Variants in ARB2A observed in about 807,000 individuals in gnomAD.
ARB2A encodes the protein cotranscriptional regulator ARB2A.
the ARB2A span, among the ~76,000 whole-genome samples, chr5:94,009,294 T>TA: frequency 2.5e-4 from 38 of 152,066 alleles, 1 homozygote; most frequent in African/African-American, 8.9e-4. Context: ...TCATTCATTG[T>TA]AAAAAGAACA....
the ARB2A span, among the ~76,000 whole-genome samples, chr5:93,961,775 T>A: frequency 1.8e-4 from 27 of 152,224 alleles, no homozygotes; most frequent in African/African-American, 4.8e-4. Flanking sequence ...TAGCCATGAA[T>A]AAATTAAAGT....
At chr5:93,999,497 T>C in the ARB2A span, among the ~76,000 whole-genome samples, 1 of 151,720 alleles carries the variant, frequency 6.6e-6, no homozygotes, top group African/African-American at 2.4e-5. Context: ...GCCCAGAAAA[T>C]GTTTCTTTTT....
chr5:93,982,800 A>T, the ARB2A span, among the ~76,000 whole-genome samples: 1 of 152,218 alleles, frequency 6.6e-6, no homozygotes, highest in East Asian at 1.9e-4. Context: ...CATGCCGGTA[A>T]TCCCAGCACT....
At chr5:93,721,226 G>T in the ARB2A span, among the ~76,000 whole-genome samples, 2 of 152,224 alleles carry the variant, frequency 1.3e-5, no homozygotes, top group East Asian at 3.9e-4. Context: ...CTGTCAGGGT[G>T]AAGCGGCTGG....
the ARB2A span, among the ~76,000 whole-genome samples, chr5:93,787,211 T>C: frequency 2.6e-5 from 4 of 152,182 alleles, no homozygotes; most frequent in East Asian, 3.9e-4. Context: ...TCTCCATATA[T>C]TCTTGAATTA....
chr5:94,092,452 T>C, the ARB2A span, among the ~76,000 whole-genome samples: 4 of 152,234 alleles, frequency 2.6e-5, no homozygotes, highest in African/African-American at 7.2e-5. Context: ...ATATCATGAC[T>C]ATCTAGGACT....
At chr5:93,836,358 A>G in the ARB2A span, among the ~76,000 whole-genome samples, 50 of 152,362 alleles carry the variant, frequency 3.3e-4, no homozygotes, top group African/African-American at 1.2e-3. Flanking sequence ...GCAATTGGCC[A>G]GTGGAGTATC....
the ARB2A span, among the ~76,000 whole-genome samples, chr5:94,067,575 T>C: frequency 6.6e-6 from 1 of 152,032 alleles, no homozygotes; most frequent in Admixed American, 6.6e-5. Context: ...GGCAAACTCA[T>C]TTACAACAGC....
chr5:93,948,200 C>T, the ARB2A span, among the ~76,000 whole-genome samples: 1 of 152,132 alleles, frequency 6.6e-6, no homozygotes, highest in Non-Finnish European at 1.5e-5. Flanking sequence ...TTAATGATTG[C>T]CATTCTAACT....
the ARB2A span, among the ~76,000 whole-genome samples, chr5:93,891,377 A>G: frequency 6.6e-6 from 1 of 152,094 alleles, no homozygotes; most frequent in Non-Finnish European, 1.5e-5. Context: ...ATATTATTTC[A>G]ATTATGTGCA....
chr5:94,089,592 T>TACACACAC, the ARB2A span, among the ~76,000 whole-genome samples: 1 of 79,752 alleles, frequency 1.3e-5, no homozygotes, highest in Non-Finnish European at 2.6e-5. Flanking sequence ...TAAAACCGTT[T>TACACACAC]ATACACACAC....
At chr5:94,037,108 G>A in the ARB2A span, among the ~76,000 whole-genome samples, 150 of 152,040 alleles carry the variant, frequency 9.9e-4, no homozygotes, top group African/African-American at 3.4e-3. Context: ...GTATTTCTGC[G>A]CTTTGCATTC....
chr5:93,693,187 A>G, the ARB2A span, among the ~76,000 whole-genome samples: 1 of 152,192 alleles, frequency 6.6e-6, no homozygotes, highest in Non-Finnish European at 1.5e-5. Flanking sequence ...CCAGAAGACA[A>G]GAAATAACTA....
chr5:93,853,270 G>C, the ARB2A span, among the ~76,000 whole-genome samples: 2 of 152,106 alleles, frequency 1.3e-5, no homozygotes, highest in African/African-American at 2.4e-5. Flanking sequence ...TCTGTTATTG[G>C]TGTATAAGAA....
the ARB2A span, among the ~76,000 whole-genome samples, chr5:93,800,984 C>G: frequency 6.6e-6 from 1 of 152,104 alleles, no homozygotes; most frequent in Non-Finnish European, 1.5e-5. Flanking sequence ...AATAGGATCA[C>G]TGACAGTAAT....
At chr5:93,957,440 G>C in the ARB2A span, among the ~76,000 whole-genome samples, 2 of 152,066 alleles carry the variant, frequency 1.3e-5, no homozygotes, top group African/African-American at 4.8e-5. Flanking sequence ...ACAAACAAAT[G>C]TGTCAGAGAG....
the ARB2A span, among the ~76,000 whole-genome samples, chr5:93,727,986 T>G: frequency 6.6e-6 from 1 of 152,062 alleles, no homozygotes; most frequent in Non-Finnish European, 1.5e-5. Flanking sequence ...GACTCTCATT[T>G]TAGAAAGTTT....
the ARB2A span, among the ~76,000 whole-genome samples, chr5:93,937,858 T>G: frequency 2.0e-5 from 3 of 152,158 alleles, no homozygotes; most frequent in Non-Finnish European, 4.4e-5. Context: ...CCCAAAACAA[T>G]GTAAACAGTT....
At chr5:94,103,983 A>C in the ARB2A span, among the ~76,000 whole-genome samples, 1 of 151,926 alleles carries the variant, frequency 6.6e-6, no homozygotes, top group South Asian at 2.1e-4. Flanking sequence ...ATGACATACC[A>C]GATTCTCTGA....
Sources: gnomAD v4.1 joint callset for allele counts (sites outside exome capture counted in the v4.1 genomes callset) on GRCh38, gnomAD v4.1.1 for gene constraint, MANE v1.5 for transcripts, NCBI Gene and HGNC (gene_info 2026-07-23, HGNC 2026-07-21) for gene names.